ADAM12: variants seen among roughly 807,000 people sequenced by gnomAD.
ADAM12 encodes the protein ADAM metallopeptidase domain 12, also known as disintegrin and metalloproteinase domain-containing protein 12.
ADAM12 carries 70 observed loss-of-function variants against 106.4 expected under a neutral mutation model. That is an observed-to-expected ratio of 0.66 (90% CI 0.54 to 0.80). The LOEUF is 0.80. Ranked by LOEUF, ADAM12 falls within the 30% of genes least tolerant of loss-of-function variation. The pLI is 0.00. For synonymous variants in ADAM12, 420 were observed against 433.5 expected (o/e 0.97, Z 0.39); for missense variants, 1,010 against 1,171.9 (o/e 0.86, Z 2.02).
chr10:126,302,781 C>G (rs938248113), intron 2 of ADAM12, among the ~76,000 whole-genome samples: 2 of 152,278 alleles, frequency 1.3e-5, no homozygotes, highest in East Asian at 3.9e-4. Flanking sequence ...TGGAAATAGG[C>G]TACACGTACC....
At chr10:126,334,228 C>G (rs924590134) in intron 1 of ADAM12, among the ~76,000 whole-genome samples, 2 of 152,044 alleles carry the variant, frequency 1.3e-5, no homozygotes, top group African/African-American at 2.4e-5. Flanking sequence ...TACATTCAAG[C>G]CTGAGAAACC....
Position 126,131,104 on chromosome 10 carries a change from C to CTTT in ADAM12, c.416+4477_416+4479dup, listed in dbSNP as rs71029289. On this transcript the variant is annotated intron_variant, in intron 5 of 22. Transcript: ENST00000448723. ...AGTGTCCCTGGCTCTCAGCTGTCTT[C>CTTT]TTTTTTTTTTTTTTTTTTTTTTTTT... Among the ~76,000 whole-genome samples, 77 of 100,908 alleles carry CTTT rather than the reference C, an allele frequency of 7.6e-4. 2 individuals carry two copies. Among genetic ancestry groups the CTTT allele is most frequent in the Middle Eastern group, 6.3e-3 (1 of 160 alleles). 66.2% of individuals were successfully genotyped at this position (100,908 alleles called of 152,430 possible). A position where few individuals can be genotyped will look rare whatever the true frequency, so the allele number is the denominator to read the frequency against.
rs373965770 is a variant in ADAM12, at chr10:126,293,950, T to C, written c.187-14962A>G. Among the ~76,000 whole-genome samples, 364 of 152,356 alleles carry C rather than the reference T, an allele frequency of 2.4e-3. 2 individuals carry two copies. The highest frequency in any genetic ancestry group is 0.022 in the South Asian group (107 of 4,828). On this transcript the variant is annotated intron_variant, in intron 2 of 22. Coordinates refer to ENST00000448723, the MANE Select transcript of ADAM12 (RefSeq NM_001288973.2). ...CACATTTTACCTGAAATGTAGTTAT[T>C]TCTGTTTACTCACAAACACTGTCTA...
intron 3 of ADAM12, among the ~76,000 whole-genome samples, chr10:126,251,918 G>GGGATGGATAGGAT (rs1958781837): frequency 2.7e-5 from 1 of 37,284 alleles, no homozygotes; most frequent in Admixed American, 2.7e-4. Context: ...ATGGATGGAT[G>GGGATGGATAGGAT]GGATGGATAG....
At chr10:126,201,241 C>A (rs1288649793) in intron 3 of ADAM12, among the ~76,000 whole-genome samples, 2 of 152,118 alleles carry the variant, frequency 1.3e-5, no homozygotes, top group East Asian at 3.9e-4. Context: ...AAAATAGGTT[C>A]TTTGCAGACG....
chr10:126,205,406 T>C (rs145654955), intron 3 of ADAM12, among the ~76,000 whole-genome samples: 19 of 151,918 alleles, frequency 1.3e-4, no homozygotes, highest in African/African-American at 4.6e-4. Context: ...GCTGAATCAC[T>C]GGAATACACT....
intron 2 of ADAM12, among the ~76,000 whole-genome samples, chr10:126,298,646 G>C (rs2133794157): frequency 6.6e-6 from 1 of 152,018 alleles, no homozygotes; most frequent in Admixed American, 6.6e-5. Context: ...ATTGGGAAGA[G>C]ATATCAAGTC....
intron 3 of ADAM12, among the ~76,000 whole-genome samples, chr10:126,272,386 A>G (rs985416685): frequency 6.6e-6 from 1 of 152,246 alleles, no homozygotes; most frequent in Non-Finnish European, 1.5e-5. Flanking sequence ...GTTTTCCAAC[A>G]TGACCTCTGA....
In ADAM12 at chr10:126,292,837, T is replaced by C. The variant is rs557848905; in HGVS notation, c.187-13849A>G. Among the ~76,000 whole-genome samples, 7 of 152,296 alleles carry C rather than the reference T, an allele frequency of 4.6e-5. No individual in the cohort carries two copies. The East Asian group carries it at 1.2e-3, about 25-fold the overall frequency. ...TACGAAATATTCTTTTGAATTTTTT[T>C]CTCCAGTCATTTAAAAAGGTAAAAA... On this transcript the variant is annotated intron_variant, in intron 2 of 22. Transcript: ENST00000448723.
chr10:126,166,585 C>T (rs975515259), intron 3 of ADAM12, among the ~76,000 whole-genome samples: 3 of 152,242 alleles, frequency 2.0e-5, no homozygotes, highest in Admixed American at 6.5e-5. Context: ...CTGCAACCTC[C>T]ACCTCCCGGT....
intron 3 of ADAM12, among the ~76,000 whole-genome samples, chr10:126,234,741 C>G (rs1958381104): frequency 6.6e-6 from 1 of 152,202 alleles, no homozygotes. Context: ...AAGAATGGTG[C>G]TGAGCCAGTG....
At chr10:126,327,026 C>T (rs1019761106) in intron 2 of ADAM12, among the ~76,000 whole-genome samples, 4 of 152,160 alleles carry the variant, frequency 2.6e-5, no homozygotes, top group Admixed American at 6.5e-5. Flanking sequence ...CAAAGCACAG[C>T]GGGGCAGGTG....
At chr10:126,315,314 C>T (rs1001647585) in intron 2 of ADAM12, among the ~76,000 whole-genome samples, 1 of 152,164 alleles carries the variant, frequency 6.6e-6, no homozygotes, top group African/African-American at 2.4e-5. Flanking sequence ...TTCTCCAACT[C>T]ATTTCCCCAC....
intron 2 of ADAM12, among the ~76,000 whole-genome samples, chr10:126,285,677 C>G (rs763649684): frequency 1.3e-5 from 2 of 152,242 alleles, no homozygotes; most frequent in South Asian, 4.1e-4. Context: ...GAAGCTTTGT[C>G]GTTGGGCAAA....
intron 3 of ADAM12, among the ~76,000 whole-genome samples, chr10:126,246,354 C>T: frequency 6.6e-6 from 1 of 152,098 alleles, no homozygotes; most frequent in Admixed American, 6.5e-5. Context: ...GGAAAATAGC[C>T]ATAGACAACC....
intron 3 of ADAM12, among the ~76,000 whole-genome samples, chr10:126,243,514 T>TGTGC (rs1958571254): frequency 2.0e-5 from 3 of 151,926 alleles, no homozygotes; most frequent in Middle Eastern, 3.4e-3. Context: ...TGTGTGTGTG[T>TGTGC]GTGTAGGTCA....
At chr10:126,312,131 GA>G (rs35783742) in intron 2 of ADAM12, among the ~76,000 whole-genome samples, 4,892 of 123,946 alleles carry the variant, frequency 0.039, 127 homozygotes, top group Admixed American at 0.086. Flanking sequence ...GGTTGGTGTG[GA>G]AAAAAAAAAA....
At chr10:126,059,920 T>G (rs1295622272) in intron 14 of ADAM12, among the ~76,000 whole-genome samples, 2 of 152,204 alleles carry the variant, frequency 1.3e-5, no homozygotes, top group Non-Finnish European at 2.9e-5. Flanking sequence ...CATGTCATAT[T>G]GACAGAAAAT....
intron 3 of ADAM12, among the ~76,000 whole-genome samples, chr10:126,206,680 G>C (rs1957800588): frequency 6.6e-6 from 1 of 152,194 alleles, no homozygotes; most frequent in African/African-American, 2.4e-5. Flanking sequence ...TTTCAAGAAA[G>C]AAACATGCAA....
Sources: gnomAD v4.1 joint callset for allele counts (sites outside exome capture counted in the v4.1 genomes callset) on GRCh38, gnomAD v4.1.1 for gene constraint, MANE v1.5 for transcripts, NCBI Gene and HGNC (gene_info 2026-07-23, HGNC 2026-07-21) for gene names.